Variants in CFAP90 observed in about 807,000 individuals in gnomAD.
CFAP90 encodes cilia and flagella associated protein 90.
the CFAP90 span, among the ~76,000 whole-genome samples, chr5:7,839,440 G>A: frequency 6.6e-6 from 1 of 152,306 alleles, no homozygotes; most frequent in South Asian, 2.1e-4. Context: ...CCCCACTGGG[G>A]TGCTTGGATT....
chr5:7,850,679 A>G, the CFAP90 span, among the ~76,000 whole-genome samples: 18 of 66,874 alleles, frequency 2.7e-4, no homozygotes, highest in Non-Finnish European at 4.4e-4. Flanking sequence ...CCCTTTCCCT[A>G]AGGTGAACCC....
At chr5:7,843,277 A>C in the CFAP90 span, among the ~76,000 whole-genome samples, 1 of 152,166 alleles carries the variant, frequency 6.6e-6, no homozygotes, top group Non-Finnish European at 1.5e-5. Flanking sequence ...CAGCATTCAA[A>C]ATTCTGTATC....
the CFAP90 span, chr5:7,831,714 A>C: frequency 7.4e-6 from 6 of 812,712 alleles, no homozygotes; most frequent in Non-Finnish European, 1.2e-5. Context: ...GTCCCACTGT[A>C]GAGATGCAAC....
chr5:7,848,025 T>G, the CFAP90 span, among the ~76,000 whole-genome samples: 1 of 152,314 alleles, frequency 6.6e-6, no homozygotes, highest in Non-Finnish European at 1.5e-5. Flanking sequence ...CACTCCTTAT[T>G]TTTTCCACTG....
the CFAP90 span, chr5:7,850,805 CA>C: frequency 7.2e-6 from 6 of 835,946 alleles, no homozygotes; most frequent in Admixed American, 5.8e-5. Flanking sequence ...CCCAGCCGCC[CA>C]GCCGCCCAGC....
At chr5:7,850,095 C>T in the CFAP90 span, among the ~76,000 whole-genome samples, 1 of 152,150 alleles carries the variant, frequency 6.6e-6, no homozygotes, top group Non-Finnish European at 1.5e-5. Flanking sequence ...ATTCCCGCGA[C>T]TCCCAGCCCC....
At chr5:7,850,769 C>T in the CFAP90 span, 1 of 1,176,622 alleles carries the variant, frequency 8.5e-7, no homozygotes, top group Non-Finnish European at 1.1e-6. Context: ...CCCGCCCCTC[C>T]GCGGCCGCCC....
the CFAP90 span, chr5:7,831,728 G>T: frequency 1.1e-6 from 1 of 951,832 alleles, no homozygotes; most frequent in Non-Finnish European, 1.6e-6. Flanking sequence ...ATGCAACACA[G>T]GCATAGCCAA....
chr5:7,838,762 C>T, the CFAP90 span, among the ~76,000 whole-genome samples: 8 of 152,150 alleles, frequency 5.3e-5, no homozygotes, highest in East Asian at 1.9e-4. Context: ...CAGTGTACAA[C>T]GTGAAGACCT....
the CFAP90 span, among the ~76,000 whole-genome samples, chr5:7,846,098 T>C: frequency 1.3e-5 from 2 of 152,108 alleles, no homozygotes; most frequent in Non-Finnish European, 2.9e-5. Context: ...TGTGCTACTT[T>C]GCATTGATTA....
chr5:7,832,876 C>T, the CFAP90 span, among the ~76,000 whole-genome samples: 1 of 152,190 alleles, frequency 6.6e-6, no homozygotes, highest in Non-Finnish European at 1.5e-5. Flanking sequence ...ACAGTTTTCT[C>T]CTGAGGAAGA....
chr5:7,830,781 T>C, the CFAP90 span: 1 of 152,206 alleles, frequency 6.6e-6, no homozygotes, highest in East Asian at 1.9e-4. Context: ...AATTTAATCA[T>C]GGTAGATGAG....
the CFAP90 span, among the ~76,000 whole-genome samples, chr5:7,846,687 C>T: frequency 6.6e-6 from 1 of 152,152 alleles, no homozygotes; most frequent in Non-Finnish European, 1.5e-5. Context: ...GGCTTAAGAA[C>T]TAATTCTGTA....
chr5:7,850,331 C>T, the CFAP90 span, among the ~76,000 whole-genome samples: 2 of 151,844 alleles, frequency 1.3e-5, no homozygotes, highest in South Asian at 4.2e-4. Flanking sequence ...CCCTCGGAAC[C>T]CACCCCTGGT....
At chr5:7,834,044 TAA>T in the CFAP90 span, among the ~76,000 whole-genome samples, 1 of 152,366 alleles carries the variant, frequency 6.6e-6, no homozygotes, top group East Asian at 1.9e-4. Flanking sequence ...ATCACTATTT[TAA>T]GAGTGTACCC....
the CFAP90 span, among the ~76,000 whole-genome samples, chr5:7,850,247 C>T: frequency 1.9e-3 from 292 of 152,128 alleles, 1 homozygote; most frequent in Non-Finnish European, 3.5e-3. Flanking sequence ...CCTGTCTCCC[C>T]AGCTGACCCT....
chr5:7,836,604 G>T, the CFAP90 span, among the ~76,000 whole-genome samples: 2 of 152,126 alleles, frequency 1.3e-5, no homozygotes, highest in Non-Finnish European at 1.5e-5. Context: ...TATTTTTAGG[G>T]GGATACAATG....
the CFAP90 span, among the ~76,000 whole-genome samples, chr5:7,844,576 C>T: frequency 3.3e-5 from 5 of 152,088 alleles, no homozygotes; most frequent in Non-Finnish European, 4.4e-5. Flanking sequence ...AAATACTTAG[C>T]AGGTTAGATA....
the CFAP90 span, among the ~76,000 whole-genome samples, chr5:7,837,820 G>A: frequency 6.6e-6 from 1 of 152,214 alleles, no homozygotes; most frequent in Non-Finnish European, 1.5e-5. Context: ...TAAGGCCCCT[G>A]GCCAGCCACT....
Sources: allele counts gnomAD v4.1 joint callset (sites outside exome capture counted in the v4.1 genomes callset), GRCh38; gene constraint gnomAD v4.1.1; transcripts MANE v1.5; gene names NCBI Gene and HGNC (gene_info 2026-07-23, HGNC 2026-07-21).